Variants in RBFOX1 observed in about 807,000 individuals in gnomAD.
RBFOX1 encodes the protein RNA binding protein fox-1 homolog 1.
A neutral mutation model predicts 57.7 loss-of-function variants in RBFOX1; 8 were observed. The ratio of observed to expected loss-of-function variants is 0.14; its 90% CI spans 0.08 to 0.25. RBFOX1 has a LOEUF of 0.25. RBFOX1 is among the 10% of genes least tolerant of loss of function. The pLI is 1.00. For synonymous variants in RBFOX1, 326 were observed against 222.4 expected, an observed-to-expected ratio of 1.47 and a Z score of -4.15; for missense variants, 611 against 548.5, an observed-to-expected ratio of 1.11 and a Z score of -1.14.
chr16:6,298,798 G>A (rs1260366306), intron 1 of RBFOX1, among the ~76,000 whole-genome samples: 1 of 152,214 alleles, frequency 6.6e-6, no homozygotes, highest in East Asian at 1.9e-4. Context: ...TTTGTTGGAT[G>A]CAAGTGCAAT....
At chr16:6,652,502 T>C (rs2098604850) in intron 2 of RBFOX1, among the ~76,000 whole-genome samples, 1 of 150,992 alleles carries the variant, frequency 6.6e-6, no homozygotes, top group African/African-American at 2.4e-5. Context: ...TCTCAGAAAG[T>C]ATAGAGCAGC....
At chr16:7,411,906 A>T (rs1167969417) in intron 4 of RBFOX1, among the ~76,000 whole-genome samples, 1 of 74,692 alleles carries the variant, frequency 1.3e-5, no homozygotes, top group Non-Finnish European at 3.8e-5. Context: ...TCCTTTCAAA[A>T]AAAAAAAAAA....
At chr16:6,546,066 A>G (rs1244539026) in intron 2 of RBFOX1, among the ~76,000 whole-genome samples, 1 of 152,248 alleles carries the variant, frequency 6.6e-6, no homozygotes, top group Non-Finnish European at 1.5e-5. Context: ...CTATTAAAAA[A>G]TCACAGAAAA....
chr16:6,036,910 T>C (rs1361179283), intron 1 of RBFOX1, among the ~76,000 whole-genome samples: 1 of 152,178 alleles, frequency 6.6e-6, no homozygotes, highest in Admixed American at 6.6e-5. Flanking sequence ...ACTTTCAGAC[T>C]CTTTTACCAT....
intron 1 of RBFOX1, among the ~76,000 whole-genome samples, chr16:6,138,486 T>C (rs763475380): frequency 1.3e-5 from 2 of 152,298 alleles, no homozygotes; most frequent in South Asian, 2.1e-4. Flanking sequence ...GTCATAGGAT[T>C]TGTGGCATGT....
chr16:7,457,324 G>A (rs950521632), intron 4 of RBFOX1, among the ~76,000 whole-genome samples: 1 of 152,138 alleles, frequency 6.6e-6, no homozygotes, highest in African/African-American at 2.4e-5. Context: ...CTGGGTGCTG[G>A]GCCTCCTGAC....
intron 3 of RBFOX1, among the ~76,000 whole-genome samples, chr16:6,732,336 CGA>C (rs1233101531): frequency 6.6e-6 from 1 of 152,140 alleles, no homozygotes; most frequent in Non-Finnish European, 1.5e-5. Context: ...CAGATTCTCA[CGA>C]GAGAGTGAGT....
At chr16:7,093,695 G>T (rs1305375901) in intron 4 of RBFOX1, among the ~76,000 whole-genome samples, 1 of 152,148 alleles carries the variant, frequency 6.6e-6, no homozygotes, top group Non-Finnish European at 1.5e-5. Context: ...ACTCACTGCA[G>T]ACTTTGTCTG....
intron 2 of RBFOX1, among the ~76,000 whole-genome samples, chr16:6,605,058 C>T (rs759910263): frequency 3.3e-5 from 5 of 151,900 alleles, no homozygotes; most frequent in Admixed American, 6.6e-5. Context: ...ACATGCACAA[C>T]GTGTGTATTT....
At chr16:6,884,914 C>CA (rs912948953) in intron 3 of RBFOX1, among the ~76,000 whole-genome samples, 2 of 152,126 alleles carry the variant, frequency 1.3e-5, no homozygotes, top group Non-Finnish European at 2.9e-5. Context: ...ACAAACAAAA[C>CA]AAAAAAACCC....
intron 4 of RBFOX1, among the ~76,000 whole-genome samples, chr16:7,371,137 C>G (rs2097558252): frequency 1.3e-5 from 2 of 152,206 alleles, no homozygotes; most frequent in African/African-American, 4.8e-5. Context: ...CTGCCTTTTA[C>G]TCTCCTTCTG....
intron 11 of RBFOX1, among the ~76,000 whole-genome samples, chr16:7,646,871 G>A (rs1341016584): frequency 1.3e-5 from 2 of 152,246 alleles, no homozygotes; most frequent in African/African-American, 2.4e-5. Flanking sequence ...CACCATGTTC[G>A]TAAAAGAGGG....
At chr16:5,454,098 G>C (rs945401652) in intron 1 of RBFOX1, among the ~76,000 whole-genome samples, 2 of 152,230 alleles carry the variant, frequency 1.3e-5, no homozygotes, top group Non-Finnish European at 2.9e-5. Flanking sequence ...GCCTGTATGA[G>C]GAGTTTGGGT....
intron 4 of RBFOX1, among the ~76,000 whole-genome samples, chr16:6,009,146 C>G (rs1166982725): frequency 6.7e-6 from 1 of 149,768 alleles, no homozygotes; most frequent in African/African-American, 2.5e-5. Flanking sequence ...AAAAGAGCCT[C>G]TTGTGCACAC....
intron 14 of RBFOX1, among the ~76,000 whole-genome samples, chr16:7,695,187 T>C (rs2078405444): frequency 6.6e-6 from 1 of 152,152 alleles, no homozygotes; most frequent in African/African-American, 2.4e-5. Flanking sequence ...TTTAATATTA[T>C]GTTGCATGCT....
At position 6,649,543 on chromosome 16, in the gene RBFOX1, A is replaced by G. The variant is rs115240830; in HGVS notation, c.-63-5060A>G. 8.2e-3 allele frequency among the ~76,000 whole-genome samples: 1,242 copies of G among 152,266 alleles called. 22 individuals carry two copies. The highest frequency in any genetic ancestry group is 0.028 in the African/African-American group (1,150 of 41,550). On this transcript the variant is annotated intron_variant, in intron 2 of 15. Transcript: ENST00000550418. Reference sequence around the variant, plus strand: ...CCGACACTTTCCCCTGAGTCCGCAAAGTCCACTGTACCATTCTTATGCCTT... The same window carrying G: ...CCGACACTTTCCCCTGAGTCCGCAAGGTCCACTGTACCATTCTTATGCCTT...
chr16:7,522,924 T>G (rs1411897058), intron 5 of RBFOX1, among the ~76,000 whole-genome samples: 1 of 152,232 alleles, frequency 6.6e-6, no homozygotes, highest in Non-Finnish European at 1.5e-5. Flanking sequence ...CAACCATTAC[T>G]GCTATCCAGA....
At chr16:6,856,105 C>A (rs2057840879) in intron 3 of RBFOX1, among the ~76,000 whole-genome samples, 1 of 151,532 alleles carries the variant, frequency 6.6e-6, no homozygotes, top group African/African-American at 2.4e-5. Context: ...CCCTTCCCTT[C>A]CCTTTCTTCC....
At chr16:7,256,260 C>T (rs1357766976) in intron 4 of RBFOX1, among the ~76,000 whole-genome samples, 2 of 152,160 alleles carry the variant, frequency 1.3e-5, no homozygotes, top group African/African-American at 4.8e-5. Context: ...TCCCAAAAGC[C>T]AGGCCTCTGG....
Sources: gnomAD v4.1 joint callset for allele counts (sites outside exome capture counted in the v4.1 genomes callset) on GRCh38, gnomAD v4.1.1 for gene constraint, MANE v1.5 for transcripts, NCBI Gene and HGNC (gene_info 2026-07-23, HGNC 2026-07-21) for gene names.